Variants in ZFYVE16 observed in about 807,000 individuals in gnomAD.
The protein encoded by ZFYVE16 is zinc finger FYVE-type containing 16, also known as zinc finger FYVE domain-containing protein 16.
A neutral mutation model predicts 138.1 loss-of-function variants in ZFYVE16; 89 were observed. That is an observed-to-expected ratio of 0.64 (90% CI 0.54 to 0.77). The LOEUF (loss-of-function observed/expected upper bound fraction) is 0.77. Ranked by LOEUF, ZFYVE16 falls within the 30% of genes least tolerant of loss-of-function variation. ZFYVE16 has a pLI of 0.00. For missense variants in ZFYVE16, 1,793 were observed against 1,786.7 expected, an observed-to-expected ratio of 1.00 and a Z score of -0.06; for synonymous variants, 596 against 618.3, an observed-to-expected ratio of 0.96 and a Z score of 0.53.
intron 5 of ZFYVE16, 104 bp downstream of exon 5, chr5:80,440,136 T>C: frequency 7.2e-7 from 1 of 1,386,978 alleles, no homozygotes; most frequent in Admixed American, 2.8e-5. Context: ...GGCAAGGACC[T>C]AGTGTTGAAT....
At chr5:80,439,057 A>T in intron 4 of ZFYVE16, 50 bp downstream of exon 4, 1 of 1,517,002 alleles carries the variant, frequency 6.6e-7, no homozygotes, top group South Asian at 1.3e-5. Context: ...GACATTTTAA[A>T]CAAATACAAT....
At position 80,438,506 on chromosome 5, in the gene ZFYVE16, T is replaced by C; in HGVS notation, c.1821T>C (p.Asn607=). The C allele has an allele frequency of 6.2e-7, 1 of 1,613,582 alleles. No individual in the cohort carries two copies. Among genetic ancestry groups the C allele is most frequent in the Non-Finnish European group, 8.5e-7 (1 of 1,179,804 alleles). Residue 607 remains asparagine, a synonymous_variant, in exon 4 of 19, where the codon AAT becomes AAC. Transcript: ENST00000505560. ...TTGATAAACAAAATACAATAGAAAA[T>C]GGCCTTTCTTTAGGAGAAAAAAGCA... ...EIVDKQNTIE[N]GLSLGEKSTI...
In ZFYVE16 at chr5:80,431,234, T is replaced by C. The variant is rs182081424; in HGVS notation, c.-39-2875T>C. Among the ~76,000 whole-genome samples, 24 of 152,228 alleles carry C rather than the reference T, an allele frequency of 1.6e-4. No homozygotes were observed. The East Asian group carries it at 4.2e-3, about 27-fold the overall frequency. On this transcript the variant is annotated intron_variant, in intron 2 of 18. Transcript: ENST00000505560. ...ATCCAACAGTACATCAAAAAGCTTA[T>C]CCACCGTGATCAAGTGGGCTTCATC... is the stretch of plus-strand genomic sequence containing the variant.
At chr5:80,444,381 A>T (rs1239456827) in intron 6 of ZFYVE16, among the ~76,000 whole-genome samples, 1 of 151,982 alleles carries the variant, frequency 6.6e-6, no homozygotes, top group African/African-American at 2.4e-5. Context: ...TGCAAAAAAT[A>T]TGTATATATA....
At chr5:80,470,824 T>C (rs1394022823) in intron 15 of ZFYVE16, among the ~76,000 whole-genome samples, 3 of 152,174 alleles carry the variant, frequency 2.0e-5, no homozygotes, top group African/African-American at 7.2e-5. Flanking sequence ...CTAGTAATTT[T>C]TGGTTGTATA....
At chr5:80,461,920 T>C (rs249019) in intron 15 of ZFYVE16, among the ~76,000 whole-genome samples, 117,595 of 151,466 alleles carry the variant, frequency 0.78, 48,797 homozygotes, top group East Asian at 0.92. Context: ...TGCAGTGAGC[T>C]GAGATTGCAC....
intron 15 of ZFYVE16, 110 bp downstream of exon 15, chr5:80,459,604 C>T (rs1179373556): frequency 3.5e-6 from 3 of 857,266 alleles, no homozygotes; most frequent in African/African-American, 3.4e-5. Flanking sequence ...AAGCACAGTA[C>T]CACAAACTTA....
chr5:80,427,610 C>CCTTT (rs764810147), intron 2 of ZFYVE16, 65 bp downstream of exon 2: 2 of 50,008 alleles, frequency 4.0e-5, no homozygotes, highest in Non-Finnish European at 8.2e-5. Flanking sequence ...CTGTCGTATG[C>CCTTT]TTTTTTTTTT....
In ZFYVE16 at chr5:80,478,527, C is replaced by T. The variant is rs1755108754; in HGVS notation, c.*1150C>T. On this transcript the variant is annotated 3_prime_UTR_variant, in exon 19 of 19. Transcript: ENST00000505560. ...AAAAAAGTGGGGGGCATATTGTAGTCCTGTCATTTAAGTTATGTAAAAAAT... is the reference window on the plus strand; with the variant it reads ...AAAAAAGTGGGGGGCATATTGTAGTTCTGTCATTTAAGTTATGTAAAAAAT... The T allele has an allele frequency of 6.6e-6, 1 of 151,900 alleles. No individual in the cohort carries two copies. The highest frequency in any genetic ancestry group is 2.4e-5 in the African/African-American group (1 of 41,378). 9.4% of individuals were successfully genotyped at this position (151,900 alleles called of 1,614,324 possible).
chr5:80,443,386 A>G, intron 6 of ZFYVE16, 102 bp downstream of exon 6: 3 of 1,300,436 alleles, frequency 2.3e-6, no homozygotes, highest in Non-Finnish European at 2.1e-6. Context: ...CAGACTAGGT[A>G]TCAAGAGAGA....
intron 2 of ZFYVE16, among the ~76,000 whole-genome samples, chr5:80,427,902 A>G (rs1580154169): frequency 1.5e-5 from 2 of 136,848 alleles, no homozygotes; most frequent in African/African-American, 2.7e-5. Context: ...AACCTGGGAG[A>G]TGGAGGTTGC....
Position 80,451,785 on chromosome 5 carries a change from A to C in ZFYVE16, c.3607+76A>C, listed in dbSNP as rs1454446936. On this transcript the variant is annotated intron_variant, in intron 11 of 18. Coordinates refer to ENST00000505560, the MANE Select transcript of ZFYVE16 (RefSeq NM_001284236.3). Reference sequence around the variant, plus strand: ...GTAAAGACTTTCAGGGAATCATTAAAATCAATTTTAATGGATTAATGGAAC... The same window carrying C: ...GTAAAGACTTTCAGGGAATCATTAACATCAATTTTAATGGATTAATGGAAC... 3 of 1,333,612 alleles carry C rather than the reference A, an allele frequency of 2.2e-6. No individual in the cohort carries two copies. In the African/African-American group the frequency reaches 4.4e-5, roughly 20 times the overall value. The allele number at this position is 1,333,612 out of a possible 1,614,324, so 82.6% of individuals were successfully genotyped here. A position where few individuals can be genotyped will look rare whatever the true frequency, so the allele number is the denominator to read the frequency against.
chr5:80,451,087 C>T (rs1580282118), intron 10 of ZFYVE16, among the ~76,000 whole-genome samples: 1 of 152,302 alleles, frequency 6.6e-6, no homozygotes, highest in Middle Eastern at 3.4e-3. Flanking sequence ...GCTGGGATTA[C>T]AGGCATGAGC....
chr5:80,473,725 A>C, intron 16 of ZFYVE16, 29 bp from the exon 17 acceptor site: 1 of 1,487,560 alleles, frequency 6.7e-7, no homozygotes, highest in South Asian at 1.2e-5. Flanking sequence ...GGTGCTAATA[A>C]TTCTATTGTA....
At chr5:80,426,857 G>A (rs747967747) in intron 1 of ZFYVE16, among the ~76,000 whole-genome samples, 1 of 151,954 alleles carries the variant, frequency 6.6e-6, no homozygotes, top group South Asian at 2.1e-4. Context: ...TTGAGGAATC[G>A]CTACACTGTC....
chr5:80,428,850 G>C (rs1473893457), intron 2 of ZFYVE16, among the ~76,000 whole-genome samples: 1 of 152,170 alleles, frequency 6.6e-6, no homozygotes, highest in African/African-American at 2.4e-5. Context: ...GGAAGAAAGG[G>C]TATCAGTGAT....
Position 80,445,318 on chromosome 5 carries a change from T to C in ZFYVE16, c.2637T>C (p.Asn879=), listed in dbSNP as rs149786762. ...GGTTTGCAGATGGTATATTGCCCAA[T>C]GGTGAAGTTGCAGATACAACAAAAT... The part of the protein sequence containing the change: ...RVWFADGILP[N]GEVADTTKLS... Residue 879 remains asparagine, a synonymous_variant, in exon 7 of 19, where the codon AAT becomes AAC. Transcript: ENST00000505560. The C allele has an allele frequency of 6.4e-5, 104 of 1,614,028 alleles. No individual in the cohort carries two copies. In the African/African-American group the frequency reaches 1.2e-3, roughly 19 times the overall value.
intron 2 of ZFYVE16, among the ~76,000 whole-genome samples, chr5:80,429,622 G>C (rs1748679785): frequency 6.6e-6 from 1 of 152,154 alleles, no homozygotes; most frequent in African/African-American, 2.4e-5. Context: ...AAATGTAAAT[G>C]GGCTAAATGC....
At chr5:80,434,428 GT>G (rs1439583788) in intron 3 of ZFYVE16, among the ~76,000 whole-genome samples, 2 of 152,086 alleles carry the variant, frequency 1.3e-5, no homozygotes, top group African/African-American at 4.8e-5. Context: ...AACCTAGAAA[GT>G]TTTTTTCTAG....
Sources: gnomAD v4.1 joint callset for allele counts (sites outside exome capture counted in the v4.1 genomes callset) on GRCh38, gnomAD v4.1.1 for gene constraint, MANE v1.5 for transcripts, NCBI Gene and HGNC (gene_info 2026-07-23, HGNC 2026-07-21) for gene names.